Variants in SNX30 observed in about 807,000 individuals in gnomAD.
SNX30 encodes the protein sorting nexin-30.
A neutral mutation model predicts 46.4 loss-of-function variants in SNX30; 24 were observed. That is an observed-to-expected ratio of 0.52 (90% CI 0.37 to 0.73). SNX30 has a LOEUF of 0.73. SNX30 is among the 30% of genes least tolerant of loss of function. The probability of loss-of-function intolerance (pLI) is 0.00; values close to 1 mark genes in which losing one functional copy is unlikely to be tolerated. For missense variants in SNX30, 533 were observed against 555.7 expected, an observed-to-expected ratio of 0.96 and a Z score of 0.41; for synonymous variants, 189 against 211.5, an observed-to-expected ratio of 0.89 and a Z score of 0.92.
At chr9:112,852,253 T>TG (rs1554756207) in intron 7 of SNX30, among the ~76,000 whole-genome samples, 1 of 149,180 alleles carries the variant, frequency 6.7e-6, no homozygotes, top group Non-Finnish European at 1.5e-5. Flanking sequence ...GACCCTATCT[T>TG]AAAAAAAAAA....
At chr9:112,822,545 T>TTG (rs1236615325) in intron 3 of SNX30, among the ~76,000 whole-genome samples, 1 of 149,418 alleles carries the variant, frequency 6.7e-6, no homozygotes, top group Non-Finnish European at 1.5e-5. Flanking sequence ...TGTTTTGTTT[T>TTG]TTTTTTTTGT....
intron 2 of SNX30, among the ~76,000 whole-genome samples, chr9:112,815,789 G>A (rs529557546): frequency 2.6e-5 from 4 of 152,320 alleles, no homozygotes; most frequent in African/African-American, 9.6e-5. Context: ...TCATTGGCAA[G>A]TTCTCACATG....
Position 112,850,943 on chromosome 9 carries a change from AAG to A in SNX30, c.1100_1101del (p.Lys367SerfsTer18). The A allele has an allele frequency of 6.2e-7, 1 of 1,613,740 alleles. No homozygotes were observed. Among genetic ancestry groups the A allele is most frequent in the East Asian group, 2.2e-5 (1 of 44,878 alleles). ...AVALRKEDRP[K>X]VPADVEKCQD... ...GGCTCTGCGGAAGGAAGACCGCCCC[AAG>A]GTCAGGGAAGCCACCTGGGAAGGGC... is the stretch of plus-strand genomic sequence containing the variant. On this transcript the variant is annotated frameshift_variant and splice_region_variant, in exon 7 of 9. Coordinates refer to ENST00000374232, the MANE Select transcript of SNX30 (RefSeq NM_001012994.2). LOFTEE classifies it high-confidence loss of function.
intron 1 of SNX30, among the ~76,000 whole-genome samples, chr9:112,787,020 T>C (rs758475921): frequency 2.0e-5 from 3 of 152,152 alleles, no homozygotes; most frequent in Non-Finnish European, 2.9e-5. Flanking sequence ...GTCTGAGTCA[T>C]GTCAGTGGGA....
intron 1 of SNX30, among the ~76,000 whole-genome samples, chr9:112,798,127 T>TC (rs1840142922): frequency 1.7e-5 from 1 of 57,222 alleles, no homozygotes; most frequent in African/African-American, 5.1e-5. Flanking sequence ...TTTTCTTTTT[T>TC]TTTTTTTTTT....
intron 7 of SNX30, among the ~76,000 whole-genome samples, chr9:112,857,873 T>C (rs1417392112): frequency 6.6e-6 from 1 of 152,182 alleles, no homozygotes; most frequent in East Asian, 1.9e-4. Flanking sequence ...CTCGGCTCAC[T>C]GAGTAATGCG....
chr9:112,757,970 A>G (rs1041305380), intron 1 of SNX30, among the ~76,000 whole-genome samples: 3 of 152,070 alleles, frequency 2.0e-5, no homozygotes, highest in Non-Finnish European at 4.4e-5. Flanking sequence ...TCTTTTCCAC[A>G]GACCCTCCGT....
chr9:112,881,807 C>T (rs910464819), downstream of SNX30: 1 of 152,230 alleles, frequency 6.6e-6, no homozygotes, highest in African/African-American at 2.4e-5. Context: ...AAATCATCAT[C>T]ACTGCATTCT....
intron 3 of SNX30, among the ~76,000 whole-genome samples, chr9:112,825,117 G>A (rs141812414): frequency 8.2e-4 from 125 of 152,316 alleles, no homozygotes; most frequent in African/African-American, 2.9e-3. Context: ...AAGTGGAATT[G>A]CTGGAGCATA....
chr9:112,751,593 C>G (rs1839277698), intron 1 of SNX30, among the ~76,000 whole-genome samples: 1 of 152,190 alleles, frequency 6.6e-6, no homozygotes, highest in Non-Finnish European at 1.5e-5. Context: ...GACCGGGCAG[C>G]CCTGGGCTTA....
rs1259856061 is a variant in SNX30 at position 112,832,455 on chromosome 9, AGAGAGTGTGTGT to A, written c.618+1574_618+1585del. Reference sequence around the variant, plus strand: ...AAGAGAGAGAGAGAGAGAGAGAGAGAGAGAGTGTGTGTGTGTGTGTGTGTGTGTGTGTGTGTG... The same window carrying A: ...AAGAGAGAGAGAGAGAGAGAGAGAGAGTGTGTGTGTGTGTGTGTGTGTGTG... On this transcript the variant is annotated intron_variant, in intron 4 of 8. Coordinates refer to ENST00000374232, the MANE Select transcript of SNX30 (RefSeq NM_001012994.2). 5.9e-3 allele frequency among the ~76,000 whole-genome samples: 715 copies of A among 122,094 alleles called. 13 individuals are homozygous for A. The East Asian group carries it at 0.081, about 14-fold the overall frequency. The allele number at this position is 122,094 out of a possible 152,430, so 80.1% of individuals were successfully genotyped here. A position where few individuals can be genotyped will look rare whatever the true frequency, so the allele number is the denominator to read the frequency against.
At chr9:112,865,530 A>T (rs1286974219) in intron 8 of SNX30, among the ~76,000 whole-genome samples, 1 of 150,512 alleles carries the variant, frequency 6.6e-6, no homozygotes, top group Non-Finnish European at 1.5e-5. Flanking sequence ...TGGCAGGAGG[A>T]TGGCTTGAGC....
chr9:112,788,831 T>C (rs942817353), intron 1 of SNX30, among the ~76,000 whole-genome samples: 2 of 152,212 alleles, frequency 1.3e-5, no homozygotes, highest in African/African-American at 4.8e-5. Flanking sequence ...TGTCTTGCTC[T>C]GTGACTCAGG....
chr9:112,818,774 GTA>G (rs1033360588), intron 3 of SNX30, among the ~76,000 whole-genome samples: 140 of 152,298 alleles, frequency 9.2e-4, no homozygotes, highest in African/African-American at 2.9e-3. Context: ...AAGAGGCTGT[GTA>G]TGTTGTGAAT....
At chr9:112,845,796 T>G (rs982998203) in intron 6 of SNX30, among the ~76,000 whole-genome samples, 18 of 152,216 alleles carry the variant, frequency 1.2e-4, no homozygotes, top group Non-Finnish European at 2.5e-4. Context: ...AAGCCCTCTG[T>G]GCAGAGAGCT....
At chr9:112,834,132 CAGG>C (rs1366989981) in intron 4 of SNX30, among the ~76,000 whole-genome samples, 2 of 126,648 alleles carry the variant, frequency 1.6e-5, no homozygotes, top group Non-Finnish European at 3.1e-5. Flanking sequence ...GTCATCAACA[CAGG>C]AGAAGACTTC....
downstream of SNX30, chr9:112,877,386 G>C (rs1034076212): frequency 1.3e-5 from 2 of 152,364 alleles, no homozygotes; most frequent in Admixed American, 1.3e-4. Flanking sequence ...TCAGGCTGAG[G>C]AGCTGGTCAA....
intron 2 of SNX30, among the ~76,000 whole-genome samples, chr9:112,814,401 C>T (rs957495598): frequency 2.0e-5 from 3 of 151,960 alleles, no homozygotes; most frequent in South Asian, 2.1e-4. Flanking sequence ...CCACCATGCC[C>T]GGCTAATTTT....
intron 1 of SNX30, among the ~76,000 whole-genome samples, chr9:112,786,274 C>A (rs191858294): frequency 1.3e-5 from 2 of 152,008 alleles, no homozygotes; most frequent in Admixed American, 1.3e-4. Flanking sequence ...TGCACCATCA[C>A]GCTCTGCTAA....
Sources: gnomAD v4.1 joint callset for allele counts (sites outside exome capture counted in the v4.1 genomes callset) on GRCh38, gnomAD v4.1.1 for gene constraint, MANE v1.5 for transcripts, NCBI Gene and HGNC (gene_info 2026-07-23, HGNC 2026-07-21) for gene names.